The following USP34 variants were observed in gnomAD, a reference collection of about 807,000 sequenced individuals.
USP34 encodes the protein ubiquitin carboxyl-terminal hydrolase 34.
USP34 carries 70 observed loss-of-function variants against 460.3 expected under a neutral mutation model. The ratio of observed to expected loss-of-function variants is 0.15; its 90% CI spans 0.13 to 0.19. USP34 has a LOEUF of 0.19. Among genes scored for constraint, USP34 ranks in the 10% least tolerant of loss-of-function variants. The pLI is 1.00. For missense variants in USP34, 3,985 were observed against 4,236.2 expected, an observed-to-expected ratio of 0.94 and a Z score of 1.65; for synonymous variants, 1,647 against 1,405.3, an observed-to-expected ratio of 1.17 and a Z score of -3.85.
chr2:61,407,886 G>C (rs556607755), intron 2 of USP34, among the ~76,000 whole-genome samples: 66 of 152,162 alleles, frequency 4.3e-4, no homozygotes, highest in African/African-American at 1.5e-3. Flanking sequence ...AGGCCGAGGT[G>C]CATGGATCAC....
At chr2:61,454,208 T>C (rs1429183691) in intron 1 of USP34, among the ~76,000 whole-genome samples, 2 of 152,022 alleles carry the variant, frequency 1.3e-5, no homozygotes, top group African/African-American at 4.8e-5. Context: ...ACCTGCAACC[T>C]CCACCTCCCA....
At chr2:61,322,639 T>C (rs373208214) in intron 21 of USP34, among the ~76,000 whole-genome samples, 31 of 152,280 alleles carry the variant, frequency 2.0e-4, no homozygotes, top group South Asian at 6.2e-4. Context: ...GTAGATGAAA[T>C]GACAAAATAC....
At chr2:61,400,630 G>T (rs1473662301) in intron 3 of USP34, among the ~76,000 whole-genome samples, 1 of 152,074 alleles carries the variant, frequency 6.6e-6, no homozygotes, top group Non-Finnish European at 1.5e-5. Flanking sequence ...CAGGAAGATT[G>T]CCCAAAGCCA....
chr2:61,228,774 C>G (rs1687802414), intron 60 of USP34, 53 bp downstream of exon 60: 1 of 1,590,540 alleles, frequency 6.3e-7, no homozygotes, highest in Non-Finnish European at 8.5e-7. Context: ...AATTAAGTTG[C>G]AAATACTGAA....
chr2:61,389,960 A>G (rs1204454315), intron 5 of USP34, among the ~76,000 whole-genome samples: 1 of 152,144 alleles, frequency 6.6e-6, no homozygotes, highest in African/African-American at 2.4e-5. Context: ...ATGAAAACTT[A>G]ATTTCCTATT....
chr2:61,428,160 C>T (rs1221687772), intron 1 of USP34, among the ~76,000 whole-genome samples: 3 of 135,434 alleles, frequency 2.2e-5, no homozygotes, highest in African/African-American at 2.8e-5. Context: ...AGCAAAACTC[C>T]GTCACAAAAA....
In USP34 at chr2:61,370,405, T is replaced by C; in HGVS notation, c.1167A>G (p.Lys389=). The C allele has an allele frequency of 3.1e-6, 5 of 1,613,998 alleles. No homozygotes were observed. In the South Asian group the frequency reaches 3.3e-5, roughly 11 times the overall value. The change falls in exon 10 of 80, where the codon AAA becomes AAG. Residue 389 remains lysine (K), a synonymous_variant. Coordinates refer to ENST00000398571, the MANE Select transcript of USP34 (RefSeq NM_014709.4). The part of the protein sequence containing the change: ...FGPNLHIEII[K]QCQVILNFLA... ...AAAAATTCAAAATCACTTGGCACTG[T>C]TTGATAATCTGGAAAAGAAAAACTT... is the stretch of plus-strand genomic sequence containing the variant.
intron 10 of USP34, among the ~76,000 whole-genome samples, chr2:61,353,370 AC>A (rs1692006239): frequency 1.3e-5 from 2 of 150,306 alleles, no homozygotes; most frequent in Non-Finnish European, 3.0e-5. Flanking sequence ...CCTGAAGTCC[AC>A]CTGTTGCACT....
At chr2:61,245,320 T>G in intron 50 of USP34, 32 bp from the exon 51 acceptor site, 2 of 1,271,282 alleles carry the variant, frequency 1.6e-6, no homozygotes, top group South Asian at 1.7e-5. Context: ...TAATCTAGTA[T>G]GCATATAATG....
chr2:61,227,660 G>A (rs936314526), intron 61 of USP34, among the ~76,000 whole-genome samples: 1 of 151,924 alleles, frequency 6.6e-6, no homozygotes, highest in African/African-American at 2.4e-5. Flanking sequence ...ACAGTGAGCT[G>A]AGATAGCACC....
In USP34 at chr2:61,383,272, A is replaced by G. The variant is rs756245962; in HGVS notation, c.818T>C (p.Ile273Thr). The change falls in exon 6 of 80, where the codon ATT (isoleucine) becomes ACT (threonine). Residue 273 changes from isoleucine to threonine, a missense_variant. Ile to Thr is a moderately conservative substitution (Grantham distance 89). This residue lies in a region of USP34 where 70 missense variants were observed against 109.5 expected (regional missense o/e 0.64). Transcript: ENST00000398571. ...TAAAGAAATTTTATAAACTTACCTAATAACATAGGTCCTAAAAGGTATAAT... is the reference window on the plus strand; with the variant it reads ...TAAAGAAATTTTATAAACTTACCTAGTAACATAGGTCCTAAAAGGTATAAT... ...QHIIPFRTYV[I>T]RYLCKLSDQE... is the part of the protein sequence containing the mutation. 6.3e-6 allele frequency: 10 copies of G among 1,593,688 alleles called. No homozygotes were observed. The African/African-American group carries it at 6.7e-5, about 11-fold the overall frequency.
intron 10 of USP34, among the ~76,000 whole-genome samples, chr2:61,352,122 T>C (rs1691958712): frequency 6.6e-6 from 1 of 152,290 alleles, no homozygotes; most frequent in African/African-American, 2.4e-5. Flanking sequence ...AAATCTTAAA[T>C]GTTCCAATGA....
rs370364642 is a variant in USP34 at position 61,259,729 on chromosome 2, T to C, written c.5826A>G (p.Lys1942=). The C allele has an allele frequency of 3.3e-4, 535 of 1,613,218 alleles. No individual in the cohort carries two copies. Among genetic ancestry groups the C allele is most frequent in the Non-Finnish European group, 4.2e-4 (491 of 1,179,914 alleles). Residue 1942 remains lysine (K), a synonymous_variant, in exon 44 of 80, where the codon AAA becomes AAG. Coordinates refer to ENST00000398571, the MANE Select transcript of USP34 (RefSeq NM_014709.4). ...AACATACCATTAAATATGTAAACAT[T>C]TTCTGAAGCTCCAGAAGAGTGGTCT... is the stretch of plus-strand genomic sequence containing the variant. ...KHKTTLLELQ[K]MFTYLMESEC... is the part of the protein sequence containing the mutation.
chr2:61,325,409 A>G lies in USP34; in HGVS notation c.2979T>C (p.Cys993=). The change falls in exon 21 of 80, where the codon TGT becomes TGC. Residue 993 remains cysteine (C), a synonymous_variant. Coordinates refer to ENST00000398571, the MANE Select transcript of USP34 (RefSeq NM_014709.4). ...CAGGTGATCCCAGAGTTGAAAATAC[A>G]CAAGTCAAGAATTGAAGACGAACTT... The part of the protein sequence containing the change: ...EVQVRLQFLT[C]VFSTLGSPDH... 3 of 1,556,500 alleles carry G rather than the reference A, an allele frequency of 1.9e-6. No homozygotes were observed. The highest frequency in any genetic ancestry group is 2.6e-6 in the Non-Finnish European group (3 of 1,160,944).
rs1454504652 is a variant in USP34 at position 61,223,276 on chromosome 2, G to C, written c.7616C>G (p.Thr2539Ser). The C allele has an allele frequency of 6.2e-7, 1 of 1,613,930 alleles. No homozygotes were observed. Among genetic ancestry groups the C allele is most frequent in the Non-Finnish European group, 8.5e-7 (1 of 1,179,942 alleles). Residue 2539 changes from threonine to serine, a missense_variant, in exon 63 of 80, where the codon ACT becomes AGT. By Grantham distance (58) the Thr-to-Ser change is moderately conservative. Around this residue, in one of 14 missense-constraint regions of USP34, gnomAD observed 604 missense variants for 684.8 expected, o/e 0.88. Transcript: ENST00000398571. The stretch of plus-strand genomic sequence containing the variant: ...TCCTCCTGTTAATGCTGCCATGTCA[G>C]TCTGTGATAATGTCAAATGCCTGAA... The part of the protein sequence containing the change: ...RSERHLTLSQ[T>S]DMAALTGGKG...
At chr2:61,219,447 G>T (rs903240174) in intron 67 of USP34, among the ~76,000 whole-genome samples, 2 of 152,140 alleles carry the variant, frequency 1.3e-5, no homozygotes, top group Non-Finnish European at 2.9e-5. Flanking sequence ...GAGGTGGGCG[G>T]ATCACTTGAG....
intron 1 of USP34, among the ~76,000 whole-genome samples, chr2:61,431,472 C>G (rs978254981): frequency 6.6e-6 from 1 of 152,220 alleles, no homozygotes; most frequent in South Asian, 2.1e-4. Context: ...AGTGATCCTT[C>G]TGCCTCAGCC....
At chr2:61,348,964 T>A (rs551996759) in intron 13 of USP34, 78 bp from the exon 14 acceptor site, 96 of 1,458,468 alleles carry the variant, frequency 6.6e-5, no homozygotes. Context: ...ATCATTTGAT[T>A]CCTTGACCTA....
chr2:61,289,735 T>C lies in USP34; in HGVS notation c.4549-858A>G, dbSNP rs536854823. Among the ~76,000 whole-genome samples, 9 of 152,154 alleles carry C rather than the reference T, an allele frequency of 5.9e-5. No individual in the cohort carries two copies. The East Asian group carries it at 9.7e-4, about 16-fold the overall frequency. ...ACAAATTGGTGCTATAAAAACCAAA[T>C]AGCCGTATGAAGAAGGAAAAAAATT... On this transcript the variant is annotated intron_variant, in intron 33 of 79. Transcript: ENST00000398571.
Sources: allele counts gnomAD v4.1 joint callset (sites outside exome capture counted in the v4.1 genomes callset), GRCh38; gene constraint gnomAD v4.1.1; regional missense constraint gnomAD v4.1.1; transcripts MANE v1.5; gene names NCBI Gene and HGNC (gene_info 2026-07-23, HGNC 2026-07-21).